The following DCAKD variants were observed in gnomAD, a reference collection of about 807,000 sequenced individuals.
The protein encoded by DCAKD is dephospho-CoA kinase domain-containing protein.
In DCAKD, 15 loss-of-function variants were observed where a neutral mutation model predicts 18.7. The observed-to-expected ratio is 0.80, with a 90% CI of 0.54 to 1.24. The LOEUF (loss-of-function observed/expected upper bound fraction) is 1.24, where lower values mean the gene tolerates loss of function less well. DCAKD is among the 50% of genes most tolerant of loss of function. The pLI is 0.00. For missense variants in DCAKD, 301 were observed against 322.0 expected (o/e 0.93, Z 0.50); for synonymous variants, 130 against 133.0 (o/e 0.98, Z 0.16).
At chr17:45,046,263 A>G (rs2053564022) in intron 1 of DCAKD, among the ~76,000 whole-genome samples, 1 of 152,196 alleles carries the variant, frequency 6.6e-6, no homozygotes, top group African/African-American at 2.4e-5. Context: ...TGAGCTTCCC[A>G]GCAGGCGGAA....
At position 45,024,599 on chromosome 17, in the gene DCAKD, T is replaced by C; in HGVS notation, c.530A>G (p.Asp177Gly). The change falls in exon 5 of 5, where the codon GAC (aspartate) becomes GGC (glycine). Residue 177 changes from aspartate (D) to glycine (G), a missense_variant. Asp to Gly is a moderately conservative substitution (Grantham distance 94, BLOSUM62 -1). Transcript: ENST00000651974. ...GGTGACACTCCACTCGCCCGAGTTG[T>C]CTAGGACATGGCGGGCCATGCGGGC... ...DKARMARHVL[D>G]NSGEWSVTKR... is the part of the protein sequence containing the mutation. 1 of 1,614,112 alleles carries C rather than the reference T, an allele frequency of 6.2e-7. No individual in the cohort carries two copies. Among genetic ancestry groups the C allele is most frequent in the Non-Finnish European group, 8.5e-7 (1 of 1,179,988 alleles).
In DCAKD at chr17:45,034,819, G is replaced by A. The variant is rs766208291; in HGVS notation, c.67C>T (p.Gln23Ter). ...GKSSVIQVFQ[Q>*]LGCAVIDVDV... ...ACGTCAATCACCGCACAGCCCAGCT[G>A]CTGGAACACCTGGATCACTGAGCTC... Residue 23 changes from glutamine (Q) to a stop codon, truncating the protein, a stop_gained, in exon 2 of 5, where the codon CAG (glutamine) becomes TAG (stop). Coordinates refer to ENST00000651974, the MANE Select transcript of DCAKD (RefSeq NM_001288655.2). LOFTEE classifies it high-confidence loss of function. The A allele has an allele frequency of 6.2e-7, 1 of 1,614,226 alleles. No homozygotes were observed. Among genetic ancestry groups the A allele is most frequent in the South Asian group, 1.1e-5 (1 of 91,086 alleles).
chr17:45,056,590 T>G (rs1449434891), upstream of DCAKD, among the ~76,000 whole-genome samples: 1 of 152,012 alleles, frequency 6.6e-6, no homozygotes, highest in Admixed American at 6.6e-5. Context: ...TCTCCCTGCC[T>G]CAGCCTCCCG....
At chr17:45,059,985 TCCC>T (rs1214219398) in intron 1 of DCAKD, among the ~76,000 whole-genome samples, 1 of 151,994 alleles carries the variant, frequency 6.6e-6, no homozygotes, top group Non-Finnish European at 1.5e-5. Flanking sequence ...GCGCCTTTAA[TCCC>T]AGCTACTCAG....
intron 2 of DCAKD, 42 bp downstream of exon 2, chr17:45,034,732 G>T: frequency 1.9e-6 from 3 of 1,597,518 alleles, no homozygotes; most frequent in Non-Finnish European, 2.6e-6. Flanking sequence ...GAAGCGTGGG[G>T]AGCTGCTGTG....
At chr17:45,049,535 A>G (rs575687921) in intron 1 of DCAKD, among the ~76,000 whole-genome samples, 2 of 150,946 alleles carry the variant, frequency 1.3e-5, no homozygotes, top group Admixed American at 6.6e-5. Context: ...CAAATGGTGT[A>G]TATTTAGACT....
intron 1 of DCAKD, among the ~76,000 whole-genome samples, chr17:45,039,981 T>C (rs1339017071): frequency 2.0e-5 from 3 of 151,466 alleles, no homozygotes; most frequent in Non-Finnish European, 2.9e-5. Context: ...TAATCCCACC[T>C]ATTCGGAAGG....
At chr17:45,031,283 G>C in intron 3 of DCAKD, 2 of 985,326 alleles carry the variant, frequency 2.0e-6, no homozygotes, top group South Asian at 9.4e-5. Context: ...CCCAAGACCT[G>C]CTGCTCAGGA....
At chr17:45,032,231 C>T in intron 3 of DCAKD, 1 of 582,794 alleles carries the variant, frequency 1.7e-6, no homozygotes, top group Non-Finnish European at 2.2e-6. Flanking sequence ...ACAAAGAGTC[C>T]AGAGGGAGGA....
chr17:45,056,574 A>G (rs2053782592), upstream of DCAKD, among the ~76,000 whole-genome samples: 1 of 151,802 alleles, frequency 6.6e-6, no homozygotes, highest in Admixed American at 6.6e-5. Flanking sequence ...CCCGGGTTCA[A>G]GCAATTCTCC....
intron 1 of DCAKD, among the ~76,000 whole-genome samples, chr17:45,047,507 T>C (rs1597978854): frequency 6.7e-6 from 1 of 148,164 alleles, no homozygotes; most frequent in Non-Finnish European, 1.5e-5. Flanking sequence ...CTAGTCTCTT[T>C]TTTTTTTTTT....
At chr17:45,052,901 C>G (rs144849385), upstream of DCAKD, among the ~76,000 whole-genome samples, 5,864 of 151,784 alleles carry the variant, frequency 0.039, 372 homozygotes, top group African/African-American at 0.13. Flanking sequence ...CTGTGGCTCA[C>G]GCCTGTAATC....
intron 1 of DCAKD, among the ~76,000 whole-genome samples, chr17:45,040,210 A>C (rs2053400907): frequency 6.6e-6 from 1 of 151,702 alleles, no homozygotes; most frequent in Non-Finnish European, 1.5e-5. Context: ...CAACATGGAG[A>C]AACGCCATTT....
At chr17:45,037,764 GA>G (rs1429201183) in intron 1 of DCAKD, among the ~76,000 whole-genome samples, 228 of 120,614 alleles carry the variant, frequency 1.9e-3, no homozygotes, top group African/African-American at 6.7e-3. Flanking sequence ...CAAGCTTCAA[GA>G]GCTTTTTTTT....
In DCAKD at chr17:45,024,460, G is replaced by A. The variant is rs780897176; in HGVS notation, c.669C>T (p.Leu223=). ...LAAIASLLYL[L]THYLLPYA is the part of the protein sequence containing the mutation. ...AGGCGTAAGGCAGAAGGTAGTGGGTGAGCAGGTAGAGGAGGCTGGCAATGG... is the reference window on the plus strand; with the variant it reads ...AGGCGTAAGGCAGAAGGTAGTGGGTAAGCAGGTAGAGGAGGCTGGCAATGG... Residue 223 remains leucine, a synonymous_variant, in exon 5 of 5, where the codon CTC becomes CTT. Transcript: ENST00000651974. The A allele has an allele frequency of 4.3e-6, 7 of 1,611,424 alleles. No homozygotes were observed. In the South Asian group the frequency reaches 7.7e-5, roughly 18 times the overall value.
intron 1 of DCAKD, among the ~76,000 whole-genome samples, chr17:45,039,772 T>C (rs2053385703): frequency 6.6e-6 from 1 of 152,342 alleles, no homozygotes; most frequent in South Asian, 2.1e-4. Flanking sequence ...ACACTGGTGA[T>C]TTCTTCCTCC....
chr17:45,028,250 A>T (rs2053098528), intron 4 of DCAKD, among the ~76,000 whole-genome samples: 1 of 150,676 alleles, frequency 6.6e-6, no homozygotes, highest in African/African-American at 2.4e-5. Flanking sequence ...CTGGGACTAC[A>T]GGCGCCCACC....
chr17:45,060,438 T>C (rs551840402), intron 1 of DCAKD, among the ~76,000 whole-genome samples: 1 of 151,902 alleles, frequency 6.6e-6, no homozygotes, highest in South Asian at 2.1e-4. Flanking sequence ...GGTGGGAGGA[T>C]ACCTTGATTG....
chr17:45,043,796 C>G (rs980930460), intron 1 of DCAKD, among the ~76,000 whole-genome samples: 1 of 152,084 alleles, frequency 6.6e-6, no homozygotes, highest in Non-Finnish European at 1.5e-5. Flanking sequence ...AACTCCATTT[C>G]CCTAAACAGT....
Sources: allele counts gnomAD v4.1 joint callset (sites outside exome capture counted in the v4.1 genomes callset), GRCh38; gene constraint gnomAD v4.1.1; transcripts MANE v1.5; gene names NCBI Gene and HGNC (gene_info 2026-07-23, HGNC 2026-07-21).